Variants in UGT1A10 observed in about 807,000 individuals in gnomAD.
The protein encoded by UGT1A10 is UDP-glucuronosyltransferase 1A10.
In UGT1A10, 49 loss-of-function variants were observed where a neutral mutation model predicts 45.8. The observed-to-expected ratio is 1.07, with a 90% confidence interval of 0.85 to 1.36. UGT1A10 has a LOEUF of 1.36. Ranked by LOEUF, UGT1A10 falls within the 40% of genes most tolerant of loss-of-function variation. UGT1A10 has a pLI of 0.00. For synonymous variants in UGT1A10, 284 were observed against 249.7 expected, an observed-to-expected ratio of 1.14 and a Z score of -1.29; for missense variants, 745 against 668.6, an observed-to-expected ratio of 1.11 and a Z score of -1.26.
At chr2:233,696,930 A>G (rs556497492) in intron 1 of UGT1A10, among the ~76,000 whole-genome samples, 1 of 152,268 alleles carries the variant, frequency 6.6e-6, no homozygotes, top group Middle Eastern at 3.4e-3. Context: ...ATATCAATAA[A>G]TGCATCAGGA....
intron 1 of UGT1A10, among the ~76,000 whole-genome samples, chr2:233,665,711 G>T (rs2074062968): frequency 1.3e-5 from 2 of 152,136 alleles, no homozygotes; most frequent in South Asian, 2.1e-4. Flanking sequence ...ACCAGATAGG[G>T]ATTTTTAAGA....
chr2:233,639,415 A>C lies in UGT1A10; in HGVS notation c.855+2038A>C, dbSNP rs943632323. Among the ~76,000 whole-genome samples, 12 of 152,344 alleles carry C rather than the reference A, an allele frequency of 7.9e-5. No homozygotes were observed. In the South Asian group the frequency reaches 1.5e-3, roughly 18 times the overall value. On this transcript the variant is annotated intron_variant, in intron 1 of 4. Coordinates refer to ENST00000344644, the MANE Select transcript of UGT1A10 (RefSeq NM_019075.4). ...ATGGCCCAACCACAAAAGTAAAAGT[A>C]AATTGTCATCAAAAGAACGATGAAC...
At chr2:233,710,438 C>T (rs1483320270) in intron 1 of UGT1A10, among the ~76,000 whole-genome samples, 4 of 152,172 alleles carry the variant, frequency 2.6e-5, no homozygotes, top group African/African-American at 9.7e-5. Flanking sequence ...TATTTTTAGT[C>T]TTTTACATTT....
chr2:233,743,981 G>C (rs1692624812), intron 1 of UGT1A10: 1 of 1,297,770 alleles, frequency 7.7e-7, no homozygotes, highest in African/African-American at 1.5e-5. Context: ...CAGCACCCAG[G>C]CGCAGGCCCG....
chr2:233,685,839 G>A (rs1161288119), intron 1 of UGT1A10, among the ~76,000 whole-genome samples: 2 of 152,034 alleles, frequency 1.3e-5, no homozygotes, highest in African/African-American at 4.8e-5. Flanking sequence ...AAAAAATAAG[G>A]AAAATTTGTT....
chr2:233,769,433 A>G lies in UGT1A10; in HGVS notation c.1295+994A>G. The G allele has an allele frequency of 6.5e-7, 1 of 1,549,602 alleles. No homozygotes were observed. Among genetic ancestry groups the G allele is most frequent in the Non-Finnish European group, 8.9e-7 (1 of 1,128,216 alleles). ...TGCGTTTGTGCATGTGGCTGTGCTC[A>G]TGTGTGGGTGCACACGTGTGCATTC... is the stretch of plus-strand genomic sequence containing the variant. On this transcript the variant is annotated intron_variant, in intron 4 of 4. Coordinates refer to ENST00000344644, the MANE Select transcript of UGT1A10 (RefSeq NM_019075.4). This position sits in a 1 kb window ranked among gnomAD's most constrained non-coding sequence, Gnocchi z 4.4.
chr2:233,702,037 CA>C (rs1227411871), intron 1 of UGT1A10, among the ~76,000 whole-genome samples: 3 of 152,160 alleles, frequency 2.0e-5, no homozygotes, highest in South Asian at 2.1e-4. Context: ...AAAAACCCTT[CA>C]AAAAATTAAC....
intron 1 of UGT1A10, chr2:233,713,136 C>A (rs41270755): frequency 6.2e-7 from 1 of 1,614,170 alleles, no homozygotes; most frequent in East Asian, 2.2e-5. Context: ...GGAGGCCTTG[C>A]GGGACCTCCA....
Position 233,760,610 on chromosome 2 carries a change from G to A in UGT1A10, c.856-6424G>A. 5 of 1,614,182 alleles carry A rather than the reference G, an allele frequency of 3.1e-6. No homozygotes were observed. Among genetic ancestry groups the A allele is most frequent in the Non-Finnish European group, 3.4e-6 (4 of 1,180,034 alleles). The stretch of plus-strand genomic sequence containing the variant: ...TTTGAGAATGATTCTTTCCTGCAGC[G>A]TGTGATCAAAACATACAAGAAAATA... On this transcript the variant is annotated intron_variant, in intron 1 of 4. Coordinates refer to ENST00000344644, the MANE Select transcript of UGT1A10 (RefSeq NM_019075.4).
rs1575521689 is a variant in UGT1A10, at chr2:233,718,730, T to C, written c.856-48304T>C. Reference sequence around the variant, plus strand: ...TCCAATTACATGCTGATTTGCTAGGTGGCTCAATGACAAGGTAATTAAGGC... The same window carrying C: ...TCCAATTACATGCTGATTTGCTAGGCGGCTCAATGACAAGGTAATTAAGGC... On this transcript the variant is annotated intron_variant, in intron 1 of 4. Transcript: ENST00000344644. 6.2e-6 allele frequency: 10 copies of C among 1,611,210 alleles called. No homozygotes were observed. The East Asian group carries it at 2.2e-4, about 36-fold the overall frequency.
At position 233,636,796 on chromosome 2, in the gene UGT1A10, G is replaced by T; in HGVS notation, c.274G>T (p.Val92Phe). 3 of 1,614,196 alleles carry T rather than the reference G, an allele frequency of 1.9e-6. No homozygotes were observed. Among genetic ancestry groups the T allele is most frequent in the Non-Finnish European group, 2.5e-6 (3 of 1,180,028 alleles). The change falls in exon 1 of 5, where the codon GTT (valine) becomes TTT (phenylalanine). Residue 92 changes from valine (V) to phenylalanine (F), a missense_variant. Physicochemically the swap from Val to Phe is conservative, Grantham distance 50. Coordinates refer to ENST00000344644, the MANE Select transcript of UGT1A10 (RefSeq NM_019075.4). Reference protein sequence around the residue: ...TLEDQNREFMVFAHAQWKAQA... With the variant: ...TLEDQNREFMFFAHAQWKAQA... ...GGAAGATCAGAACCGGGAATTCATG[G>T]TTTTCGCCCATGCTCAATGGAAAGC... is the stretch of plus-strand genomic sequence containing the variant.
At chr2:233,717,896 G>T (rs1418345167) in intron 1 of UGT1A10, 1 of 454,828 alleles carries the variant, frequency 2.2e-6, no homozygotes, top group South Asian at 1.6e-5. Flanking sequence ...ATAATCTTCA[G>T]GATGAAATAA....
intron 1 of UGT1A10, chr2:233,717,704 A>C (rs1330764732): frequency 1.8e-5 from 8 of 450,922 alleles, no homozygotes; most frequent in Non-Finnish European, 2.7e-5. Flanking sequence ...CTGGAGCAGG[A>C]CGAGCCTCAT....
chr2:233,681,906 C>T (rs1352844519), intron 1 of UGT1A10: 1 of 1,596,660 alleles, frequency 6.3e-7, no homozygotes, highest in South Asian at 1.1e-5. Context: ...AGCTTAGAAT[C>T]CCAGCTGCTG....
intron 1 of UGT1A10, among the ~76,000 whole-genome samples, chr2:233,678,906 G>C (rs1421680111): frequency 1.3e-5 from 2 of 152,086 alleles, no homozygotes; most frequent in African/African-American, 4.8e-5. Context: ...CATAAATCCT[G>C]TGAAGTCATG....
Position 233,740,697 on chromosome 2 carries a change from G to T in UGT1A10, c.856-26337G>T, listed in dbSNP as rs764928862. The stretch of plus-strand genomic sequence containing the variant: ...TTCCATGGAGGGTGTTCATTTTAGG[G>T]ATTTCAAGAGGGTCATCTTTGCACC... On this transcript the variant is annotated intron_variant, in intron 1 of 4. Coordinates refer to ENST00000344644, the MANE Select transcript of UGT1A10 (RefSeq NM_019075.4). 2.6e-5 allele frequency: 4 copies of T among 151,794 alleles called. No homozygotes were observed. In the East Asian group the frequency reaches 7.7e-4, roughly 29 times the overall value. 9.4% of individuals were successfully genotyped at this position (151,794 alleles called of 1,614,324 possible).
intron 1 of UGT1A10, among the ~76,000 whole-genome samples, chr2:233,638,232 T>C (rs1001709360): frequency 6.6e-6 from 1 of 152,180 alleles, no homozygotes. Context: ...TTTCACTATA[T>C]AAGCATTTTA....
At chr2:233,757,089 G>C (rs553473050) in intron 1 of UGT1A10, among the ~76,000 whole-genome samples, 2 of 151,396 alleles carry the variant, frequency 1.3e-5, no homozygotes, top group Admixed American at 1.3e-4. Flanking sequence ...AGGGTAAGAG[G>C]CAGAGGGAGG....
intron 1 of UGT1A10, among the ~76,000 whole-genome samples, chr2:233,701,119 T>C (rs1402292168): frequency 2.6e-5 from 4 of 152,206 alleles, no homozygotes; most frequent in African/African-American, 7.2e-5. Context: ...CAGTCTATCA[T>C]TGAGGGACAT....
Sources: gnomAD v4.1 joint callset for allele counts (sites outside exome capture counted in the v4.1 genomes callset) on GRCh38, gnomAD v4.1.1 for gene constraint, Gnocchi (gnomAD v3.1) non-coding constraint, MANE v1.5 for transcripts, NCBI Gene and HGNC (gene_info 2026-07-23, HGNC 2026-07-21) for gene names.